MAGI3: variants seen among roughly 807,000 people sequenced by gnomAD.
MAGI3 encodes membrane-associated guanylate kinase, WW and PDZ domain-containing protein 3.
Under a neutral mutation model 121.8 loss-of-function variants are expected in MAGI3, and 43 were observed. That is an observed-to-expected ratio of 0.35 (90% CI 0.28 to 0.46). The LOEUF is 0.46. MAGI3 is among the 20% of genes least tolerant of loss of function. MAGI3 has a pLI of 1.00. For synonymous variants in MAGI3, 553 were observed against 639.3 expected (o/e 0.86, Z 2.04); for missense variants, 1,547 against 1,797.3 (o/e 0.86, Z 2.52).
chr1:113,635,674 G>A (rs1219488386), intron 9 of MAGI3, among the ~76,000 whole-genome samples: 8 of 151,930 alleles, frequency 5.3e-5, no homozygotes, highest in Admixed American at 1.3e-4. Flanking sequence ...CAAGGATATT[G>A]GTCTAAAATT....
At chr1:113,418,203 C>CA (rs1403458769) in intron 1 of MAGI3, among the ~76,000 whole-genome samples, 1 of 152,114 alleles carries the variant, frequency 6.6e-6, no homozygotes, top group Admixed American at 6.6e-5. Context: ...GTCTAGCATT[C>CA]AAGACCTTTA....
chr1:113,428,804 T>G (rs929035909), intron 1 of MAGI3, among the ~76,000 whole-genome samples: 3 of 152,234 alleles, frequency 2.0e-5, no homozygotes, highest in African/African-American at 7.2e-5. Flanking sequence ...GTATTTAGGT[T>G]TCATACAATC....
At chr1:113,510,858 G>A (rs1657580449) in intron 1 of MAGI3, among the ~76,000 whole-genome samples, 1 of 152,134 alleles carries the variant, frequency 6.6e-6, no homozygotes, top group African/African-American at 2.4e-5. Flanking sequence ...CACACGCACT[G>A]TTTGCCCTGA....
intron 1 of MAGI3, among the ~76,000 whole-genome samples, chr1:113,446,997 TG>T (rs1326360404): frequency 6.6e-6 from 1 of 152,086 alleles, no homozygotes; most frequent in African/African-American, 2.4e-5. Flanking sequence ...AGGGGTGCAG[TG>T]GAGGATAGAA....
rs182383280 is a variant in MAGI3, at chr1:113,637,236, G to C, written c.1361-4675G>C. ...AGCATTTAGTCCATTTACATTTAAAGTTGATATTATTATGTGTGAATTTGA... is the reference window on the plus strand; with the variant it reads ...AGCATTTAGTCCATTTACATTTAAACTTGATATTATTATGTGTGAATTTGA... On this transcript the variant is annotated intron_variant, in intron 9 of 20. Coordinates refer to ENST00000307546, the MANE Select transcript of MAGI3 (RefSeq NM_001142782.2). 6.9e-4 allele frequency among the ~76,000 whole-genome samples: 105 copies of C among 152,278 alleles called. 1 individual carries two copies. In the East Asian group the frequency reaches 0.02, roughly 29 times the overall value.
chr1:113,488,413 G>A (rs935872022), intron 1 of MAGI3, among the ~76,000 whole-genome samples: 8 of 152,210 alleles, frequency 5.3e-5, no homozygotes, highest in African/African-American at 7.2e-5. Context: ...CAACCTGAGC[G>A]CCCCTTGGTC....
chr1:113,397,037 G>A (rs1651150666), intron 1 of MAGI3, among the ~76,000 whole-genome samples: 1 of 152,138 alleles, frequency 6.6e-6, no homozygotes, highest in African/African-American at 2.4e-5. Context: ...AAGCAAAACT[G>A]TCTTTTCAAA....
At chr1:113,571,413 T>G (rs1167498206) in intron 2 of MAGI3, among the ~76,000 whole-genome samples, 1 of 152,242 alleles carries the variant, frequency 6.6e-6, no homozygotes, top group Non-Finnish European at 1.5e-5. Context: ...AAGTAGTTTT[T>G]TCTAGTTATG....
At chr1:113,535,414 C>T (rs1354963770) in intron 1 of MAGI3, among the ~76,000 whole-genome samples, 1 of 151,896 alleles carries the variant, frequency 6.6e-6, no homozygotes, top group Non-Finnish European at 1.5e-5. Context: ...ATATAAGAAA[C>T]ATGTACCAAT....
chr1:113,488,571 A>G (rs530274430), intron 1 of MAGI3, among the ~76,000 whole-genome samples: 29 of 152,262 alleles, frequency 1.9e-4, no homozygotes, highest in Middle Eastern at 3.4e-3. Flanking sequence ...ACCAGCCTGC[A>G]TACTCCCTCC....
At chr1:113,669,516 C>T (rs1647395801) in intron 16 of MAGI3, among the ~76,000 whole-genome samples, 1 of 152,112 alleles carries the variant, frequency 6.6e-6, no homozygotes, top group Non-Finnish European at 1.5e-5. Flanking sequence ...AGCAAGAAAA[C>T]GTCACCATAG....
intron 9 of MAGI3, among the ~76,000 whole-genome samples, chr1:113,625,398 T>C (rs1651181299): frequency 6.6e-6 from 1 of 152,216 alleles, no homozygotes. Flanking sequence ...TAATTTTTAA[T>C]GCAGAGATCT....
At chr1:113,546,910 G>A (rs939162673) in intron 1 of MAGI3, among the ~76,000 whole-genome samples, 7 of 151,380 alleles carry the variant, frequency 4.6e-5, no homozygotes, top group Admixed American at 2.6e-4. Flanking sequence ...GTGAAGCCCC[G>A]TCTCTACTAA....
At chr1:113,675,230 GGTA>G (rs1647800656) in intron 19 of MAGI3, among the ~76,000 whole-genome samples, 1 of 152,192 alleles carries the variant, frequency 6.6e-6, no homozygotes, top group Non-Finnish European at 1.5e-5. Context: ...TGCATACAGT[GGTA>G]GTGGTGGGAG....
intron 1 of MAGI3, among the ~76,000 whole-genome samples, chr1:113,536,972 C>T (rs529328661): frequency 4.2e-4 from 64 of 152,294 alleles, no homozygotes; most frequent in Non-Finnish European, 8.5e-4. Context: ...CCCCCCTGTA[C>T]ATTCTCCACA....
At chr1:113,524,775 A>G (rs1449966144) in intron 1 of MAGI3, among the ~76,000 whole-genome samples, 1 of 152,110 alleles carries the variant, frequency 6.6e-6, no homozygotes, top group Non-Finnish European at 1.5e-5. Flanking sequence ...GGGAACTGTT[A>G]GAAGACATGA....
At chr1:113,508,145 A>G (rs1657433078) in intron 1 of MAGI3, among the ~76,000 whole-genome samples, 1 of 152,224 alleles carries the variant, frequency 6.6e-6, no homozygotes, top group Admixed American at 6.5e-5. Context: ...AAATTTCCAA[A>G]CAAGTCTCAA....
intron 6 of MAGI3, among the ~76,000 whole-genome samples, chr1:113,605,519 A>G (rs1274205328): frequency 6.6e-6 from 1 of 152,144 alleles, no homozygotes; most frequent in East Asian, 1.9e-4. Context: ...CTGGAATGCT[A>G]TATTCTCCAT....
chr1:113,511,730 A>T (rs954427426), intron 1 of MAGI3, among the ~76,000 whole-genome samples: 1 of 152,226 alleles, frequency 6.6e-6, no homozygotes, highest in Non-Finnish European at 1.5e-5. Flanking sequence ...CATCTGGCAG[A>T]TTTCTTATTG....
Sources: gnomAD v4.1 joint callset for allele counts (sites outside exome capture counted in the v4.1 genomes callset) on GRCh38, gnomAD v4.1.1 for gene constraint, MANE v1.5 for transcripts, NCBI Gene and HGNC (gene_info 2026-07-23, HGNC 2026-07-21) for gene names.